The following ZMAT4 variants were observed in gnomAD, a reference collection of about 807,000 sequenced individuals.
ZMAT4 encodes the protein zinc finger matrin-type protein 4.
Under a neutral mutation model 28.7 loss-of-function variants are expected in ZMAT4, and 17 were observed. The observed-to-expected ratio is 0.59, with a 90% CI of 0.41 to 0.89. The LOEUF is 0.89. ZMAT4 is among the 40% of genes least tolerant of loss of function. ZMAT4 has a pLI of 0.00. For missense variants in ZMAT4, 240 were observed against 283.8 expected (o/e 0.85, Z 1.11); for synonymous variants, 117 against 109.2 (o/e 1.07, Z -0.44).
At chr8:40,881,979 G>T (rs1382932768) in intron 1 of ZMAT4, among the ~76,000 whole-genome samples, 2 of 152,128 alleles carry the variant, frequency 1.3e-5, no homozygotes, top group Admixed American at 6.5e-5. Flanking sequence ...CCTGCCCAGG[G>T]CCTAATTAGA....
chr8:40,846,276 T>C (rs938288201), intron 1 of ZMAT4, among the ~76,000 whole-genome samples: 2 of 152,200 alleles, frequency 1.3e-5, no homozygotes, highest in Admixed American at 1.3e-4. Flanking sequence ...CATTCCACCA[T>C]GGCCCCTATC....
At chr8:40,713,445 A>G (rs931924612) in intron 3 of ZMAT4, among the ~76,000 whole-genome samples, 14 of 144,400 alleles carry the variant, frequency 9.7e-5, no homozygotes, top group Non-Finnish European at 2.1e-4. Context: ...GTAATGGTAG[A>G]AAAAAAAAAC....
intron 3 of ZMAT4, among the ~76,000 whole-genome samples, chr8:40,719,169 T>G (rs1176700004): frequency 6.6e-6 from 1 of 152,112 alleles, no homozygotes; most frequent in Non-Finnish European, 1.5e-5. Context: ...AGGCCAGGTG[T>G]GATGACTCAT....
At chr8:40,728,619 C>T (rs1295117368) in intron 3 of ZMAT4, among the ~76,000 whole-genome samples, 2 of 152,174 alleles carry the variant, frequency 1.3e-5, no homozygotes, top group Non-Finnish European at 2.9e-5. Context: ...GACAAAATTG[C>T]CTCTGGTTGA....
Position 40,819,494 on chromosome 8 carries a change from C to T in ZMAT4, c.102+6081G>A, listed in dbSNP as rs571691357. On this transcript the variant is annotated intron_variant, in intron 2 of 6. Coordinates refer to ENST00000297737, the MANE Select transcript of ZMAT4 (RefSeq NM_024645.3). ...CCTTCAGCCCCTAGCCTGTGCATCC[C>T]CTGTCAGTGTCAGTAAATGACAGCC... 3.1e-4 allele frequency among the ~76,000 whole-genome samples: 47 copies of T among 152,230 alleles called. 2 individuals carry two copies. In the South Asian group the frequency reaches 9.1e-3, roughly 30 times the overall value.
chr8:40,642,925 T>A (rs1207546842), intron 5 of ZMAT4, among the ~76,000 whole-genome samples: 1 of 151,948 alleles, frequency 6.6e-6, no homozygotes, highest in Non-Finnish European at 1.5e-5. Flanking sequence ...TTTCTCTGAG[T>A]AAAAAAAGGG....
At chr8:40,795,437 G>T (rs4997758) in intron 2 of ZMAT4, among the ~76,000 whole-genome samples, 85,168 of 152,028 alleles carry the variant, frequency 0.56, 24,060 homozygotes, top group East Asian at 0.66. Context: ...GTTTTTTAGT[G>T]CAATTTCTGG....
intron 4 of ZMAT4, among the ~76,000 whole-genome samples, chr8:40,684,238 T>G (rs1176839104): frequency 1.3e-5 from 2 of 152,182 alleles, no homozygotes; most frequent in African/African-American, 2.4e-5. Context: ...TTTCAGAAAC[T>G]CTAAGAGTTA....
At chr8:40,734,530 T>A (rs776775778) in intron 3 of ZMAT4, among the ~76,000 whole-genome samples, 69 of 152,176 alleles carry the variant, frequency 4.5e-4, no homozygotes, top group Non-Finnish European at 8.4e-4. Context: ...GATGGAAAAG[T>A]ACAACCGAGC....
chr8:40,637,093 T>TA (rs1203686037), intron 5 of ZMAT4, among the ~76,000 whole-genome samples: 147 of 149,396 alleles, frequency 9.8e-4, no homozygotes, highest in Middle Eastern at 3.6e-3. Context: ...AAATAGATTT[T>TA]AAAAAAAAAA....
intron 5 of ZMAT4, among the ~76,000 whole-genome samples, chr8:40,602,536 AT>A (rs903525149): frequency 6.6e-6 from 1 of 151,758 alleles, no homozygotes; most frequent in African/African-American, 2.4e-5. Context: ...CAATCACTAT[AT>A]TTTTTTTATT....
chr8:40,682,516 C>T (rs983179233), intron 4 of ZMAT4, among the ~76,000 whole-genome samples: 6 of 152,108 alleles, frequency 3.9e-5, no homozygotes, highest in African/African-American at 9.7e-5. Flanking sequence ...TGTCTGGATG[C>T]GAATTCTGCT....
intron 5 of ZMAT4, among the ~76,000 whole-genome samples, chr8:40,584,469 TATTA>T (rs1240760418): frequency 1.3e-5 from 2 of 152,250 alleles, no homozygotes; most frequent in Middle Eastern, 3.4e-3. Context: ...ATCATGGATG[TATTA>T]ATTAAGGAAT....
At chr8:40,777,107 A>G (rs1228708290) in intron 2 of ZMAT4, among the ~76,000 whole-genome samples, 1 of 152,216 alleles carries the variant, frequency 6.6e-6, no homozygotes, top group East Asian at 1.9e-4. Context: ...ACAGAACAAC[A>G]GTGTACAACT....
At chr8:40,881,543 A>AAAGAAAGAAAG (rs1563263870) in intron 1 of ZMAT4, among the ~76,000 whole-genome samples, 1 of 65,864 alleles carries the variant, frequency 1.5e-5, no homozygotes, top group Non-Finnish European at 3.2e-5. Context: ...AGAAAGAAAG[A>AAAGAAAGAAAG]AAGAAAGAAA....
At chr8:40,685,179 A>G (rs1203450066) in intron 4 of ZMAT4, among the ~76,000 whole-genome samples, 1 of 152,152 alleles carries the variant, frequency 6.6e-6, no homozygotes, top group Admixed American at 6.5e-5. Context: ...AATTCTTGAG[A>G]TCAGATGTAA....
At chr8:40,695,484 C>T (rs996415575) in intron 4 of ZMAT4, among the ~76,000 whole-genome samples, 3 of 152,216 alleles carry the variant, frequency 2.0e-5, no homozygotes, top group African/African-American at 7.2e-5. Context: ...CCATAGCTTT[C>T]GGTGCACCAC....
chr8:40,834,089 C>T (rs1240880340), intron 1 of ZMAT4, among the ~76,000 whole-genome samples: 1 of 152,204 alleles, frequency 6.6e-6, no homozygotes, highest in Non-Finnish European at 1.5e-5. Context: ...CTTATAAAAC[C>T]AGGTTCTTTG....
chr8:40,601,640 GAAA>G (rs1805370114), intron 5 of ZMAT4, among the ~76,000 whole-genome samples: 3 of 23,760 alleles, frequency 1.3e-4, no homozygotes, highest in East Asian at 1.6e-3. Flanking sequence ...GAAAGAGAAA[GAAA>G]GAAAGAAAGA....
Sources: allele counts gnomAD v4.1 joint callset (sites outside exome capture counted in the v4.1 genomes callset), GRCh38; gene constraint gnomAD v4.1.1; transcripts MANE v1.5; gene names NCBI Gene and HGNC (gene_info 2026-07-23, HGNC 2026-07-21).